The following KIT variants were observed in gnomAD, a reference collection of about 807,000 sequenced individuals.
The protein encoded by KIT is KIT proto-oncogene, receptor tyrosine kinase.
KIT carries 16 observed loss-of-function variants against 105.7 expected under a neutral mutation model. The ratio of observed to expected loss-of-function variants is 0.15; its 90% confidence interval spans 0.10 to 0.23. The LOEUF (loss-of-function observed/expected upper bound fraction) is 0.23. KIT is among the 10% of genes least tolerant of loss of function. KIT has a pLI of 1.00. For synonymous variants in KIT, 438 were observed against 441.1 expected (o/e 0.99, Z 0.09); for missense variants, 858 against 1,213.8 (o/e 0.71, Z 4.36).
chr4:54,668,144 C>T (rs2109557630), intron 1 of KIT, among the ~76,000 whole-genome samples: 1 of 152,280 alleles, frequency 6.6e-6, no homozygotes, highest in South Asian at 2.1e-4. Context: ...TGAGATTCTT[C>T]CCTGGATCCC....
intron 2 of KIT, among the ~76,000 whole-genome samples, chr4:54,697,026 T>C (rs573652455): frequency 3.9e-5 from 6 of 152,386 alleles, no homozygotes; most frequent in African/African-American, 1.4e-4. Context: ...GAAAGTCATC[T>C]TCTGTATCTT....
chr4:54,709,889 C>T (rs556003746), intron 7 of KIT, among the ~76,000 whole-genome samples: 3 of 152,262 alleles, frequency 2.0e-5, no homozygotes, highest in East Asian at 1.9e-4. Context: ...TGAATTACTG[C>T]GTTAGGTAGG....
intron 8 of KIT, among the ~76,000 whole-genome samples, chr4:54,725,396 C>T (rs549186849): frequency 2.0e-5 from 3 of 152,268 alleles, no homozygotes; most frequent in South Asian, 2.1e-4. Context: ...TGAGCTACTG[C>T]GCCCGGCCCC....
At chr4:54,713,825 G>A (rs1423185071) in intron 7 of KIT, among the ~76,000 whole-genome samples, 3 of 152,240 alleles carry the variant, frequency 2.0e-5, no homozygotes, top group East Asian at 1.9e-4. Context: ...AAGAAAACAC[G>A]TATATAACAT....
rs1450620213 is a variant in KIT, at chr4:54,739,775, C to T, written c.*1218C>T. 1.3e-5 allele frequency: 3 copies of T among 233,372 alleles called. No individual in the cohort carries two copies. 14.5% of individuals were successfully genotyped at this position (233,372 alleles called of 1,614,324 possible). Reference sequence around the variant, plus strand: ...AACTTGGCTTTCATTATTAGTACTGCTCTTGTTTCTTTTCACATAGCTGTC... The same window carrying T: ...AACTTGGCTTTCATTATTAGTACTGTTCTTGTTTCTTTTCACATAGCTGTC... On this transcript the variant is annotated 3_prime_UTR_variant, in exon 21 of 21. Transcript: ENST00000288135.
At chr4:54,722,567 A>G (rs1053700905) in intron 7 of KIT, among the ~76,000 whole-genome samples, 4 of 152,058 alleles carry the variant, frequency 2.6e-5, no homozygotes, top group African/African-American at 9.7e-5. Flanking sequence ...TTCAGAGTAC[A>G]GGGTGAGCAT....
intron 1 of KIT, among the ~76,000 whole-genome samples, chr4:54,687,251 A>G (rs2109628887): frequency 6.6e-6 from 1 of 152,220 alleles, no homozygotes; most frequent in Middle Eastern, 3.4e-3. Flanking sequence ...CAGACTGGCC[A>G]ACATAGTGAA....
At chr4:54,718,904 A>G (rs2109746271) in intron 7 of KIT, among the ~76,000 whole-genome samples, 1 of 152,262 alleles carries the variant, frequency 6.6e-6, no homozygotes, top group East Asian at 1.9e-4. Flanking sequence ...TATTCCTTTT[A>G]TAAGTAAGGT....
chr4:54,678,069 C>T (rs1228018917), intron 1 of KIT, among the ~76,000 whole-genome samples: 1 of 152,160 alleles, frequency 6.6e-6, no homozygotes, highest in Non-Finnish European at 1.5e-5. Context: ...TCGTAAACGT[C>T]TGCTAGATTA....
intron 4 of KIT, among the ~76,000 whole-genome samples, chr4:54,703,066 C>T (rs1720555778): frequency 6.6e-6 from 1 of 152,134 alleles, no homozygotes; most frequent in Non-Finnish European, 1.5e-5. Flanking sequence ...CATGTCTTGT[C>T]TGCAGACAAA....
chr4:54,735,481 C>G (rs540201742), intron 17 of KIT, among the ~76,000 whole-genome samples: 1 of 151,606 alleles, frequency 6.6e-6, no homozygotes, highest in South Asian at 2.1e-4. Flanking sequence ...CAGAATGCAT[C>G]TAAAAGGACT....
At chr4:54,726,124 A>G in intron 9 of KIT, 74 bp downstream of exon 9, 16 of 1,202,252 alleles carry the variant, frequency 1.3e-5, no homozygotes, top group Non-Finnish European at 1.2e-6. Flanking sequence ...TTTTAAGTTC[A>G]TTCCAACATT....
intron 1 of KIT, among the ~76,000 whole-genome samples, chr4:54,673,618 C>T (rs1206562209): frequency 3.3e-5 from 5 of 152,134 alleles, no homozygotes; most frequent in Non-Finnish European, 7.4e-5. Context: ...TAGGTCATAG[C>T]TTTCCTTTGT....
intron 1 of KIT, among the ~76,000 whole-genome samples, chr4:54,683,522 A>G (rs1218413812): frequency 6.6e-6 from 1 of 152,216 alleles, no homozygotes; most frequent in Non-Finnish European, 1.5e-5. Flanking sequence ...ACCCAAGTGT[A>G]ACTACCTGCA....
rs1720604075 is a variant in KIT at position 54,703,771 on chromosome 4, T to C, written c.804T>C (p.Asn268=). ...KYNSWHHGDF[N]YERQATLTIS... is the part of the protein sequence containing the mutation. ...ATAGCTGGCATCACGGTGACTTCAATTATGAACGTCAGGCAACGTTGACTA... is the reference window on the plus strand; with the variant it reads ...ATAGCTGGCATCACGGTGACTTCAACTATGAACGTCAGGCAACGTTGACTA... The change falls in exon 5 of 21, where the codon AAT becomes AAC. Residue 268 remains asparagine (N), a synonymous_variant. Transcript: ENST00000288135. 1 of 1,613,806 alleles carries C rather than the reference T, an allele frequency of 6.2e-7. No individual in the cohort carries two copies. The highest frequency in any genetic ancestry group is 8.5e-7 in the Non-Finnish European group (1 of 1,179,808).
At chr4:54,720,684 T>C (rs191537359) in intron 7 of KIT, among the ~76,000 whole-genome samples, 3 of 152,336 alleles carry the variant, frequency 2.0e-5, no homozygotes, top group Admixed American at 2.0e-4. Flanking sequence ...CCTCCGCCTA[T>C]TAAGTTAATA....
intron 1 of KIT, among the ~76,000 whole-genome samples, chr4:54,692,516 A>C (rs562551487): frequency 5.1e-4 from 78 of 152,346 alleles, no homozygotes; most frequent in Non-Finnish European, 1.0e-3. Context: ...CATCAGATCA[A>C]CCCATGAGAA....
chr4:54,734,277 A>G (rs1015222864), intron 17 of KIT, among the ~76,000 whole-genome samples: 1 of 152,224 alleles, frequency 6.6e-6, no homozygotes, highest in African/African-American at 2.4e-5. Context: ...TGAATTCTGC[A>G]ATCTGTCTCC....
At chr4:54,732,326 T>G (rs950996164) in intron 16 of KIT, among the ~76,000 whole-genome samples, 2 of 152,128 alleles carry the variant, frequency 1.3e-5, no homozygotes, top group South Asian at 4.1e-4. Context: ...CAGAATCATT[T>G]TATCAGTAAA....
Sources: allele counts gnomAD v4.1 joint callset (sites outside exome capture counted in the v4.1 genomes callset), GRCh38; gene constraint gnomAD v4.1.1; transcripts MANE v1.5; gene names NCBI Gene and HGNC (gene_info 2026-07-23, HGNC 2026-07-21).